Variants in LRRIQ1 observed in about 807,000 individuals in gnomAD.
The protein encoded by LRRIQ1 is leucine-rich repeat- and IQ domain-containing protein 1.
A neutral mutation model predicts 211.9 loss-of-function variants in LRRIQ1; 210 were observed. The observed-to-expected ratio is 0.99, with a 90% CI of 0.89 to 1.11. The LOEUF (loss-of-function observed/expected upper bound fraction) is 1.11. Ranked by LOEUF, LRRIQ1 falls within the 50% of genes most tolerant of loss-of-function variation. The pLI is 0.00. For missense variants in LRRIQ1, 2,136 were observed against 1,939.5 expected, an observed-to-expected ratio of 1.10 and a Z score of -1.90; for synonymous variants, 699 against 650.1, an observed-to-expected ratio of 1.08 and a Z score of -1.14.
At chr12:85,167,831 C>T (rs560764890) in intron 24 of LRRIQ1, among the ~76,000 whole-genome samples, 1 of 152,274 alleles carries the variant, frequency 6.6e-6, no homozygotes, top group Non-Finnish European at 1.5e-5. Context: ...GTCCTGACAT[C>T]ACACATAATC....
Position 85,093,052 on chromosome 12 carries a change from G to C in LRRIQ1, c.2888-5303G>C, listed in dbSNP as rs185124687. Among the ~76,000 whole-genome samples the C allele has an allele frequency of 5.3e-5, 8 of 152,304 alleles. No homozygotes were observed. In the East Asian group the frequency reaches 1.5e-3, roughly 29 times the overall value. On this transcript the variant is annotated intron_variant, in intron 11 of 26. Coordinates refer to ENST00000393217, the MANE Select transcript of LRRIQ1 (RefSeq NM_001079910.2). Reference sequence around the variant, plus strand: ...GTCACCATGGTACACAATCCAGGTTGATGAGTCTACTAATGTTGACAACAA... The same window carrying C: ...GTCACCATGGTACACAATCCAGGTTCATGAGTCTACTAATGTTGACAACAA...
intron 16 of LRRIQ1, 89 bp downstream of exon 16, chr12:85,121,965 T>C (rs948582445): frequency 2.6e-6 from 3 of 1,153,242 alleles, no homozygotes; most frequent in African/African-American, 1.6e-5. Flanking sequence ...AACACAATTA[T>C]ACTTTTTTGG....
Position 85,057,132 on chromosome 12 carries a change from C to A in LRRIQ1, c.2339C>A (p.Ala780Asp). 1 of 1,580,422 alleles carries A rather than the reference C, an allele frequency of 6.3e-7. No homozygotes were observed. The highest frequency in any genetic ancestry group is 8.6e-7 in the Non-Finnish European group (1 of 1,168,860). The change falls in exon 8 of 27, where the codon GCT (alanine) becomes GAT (aspartate). Residue 780 changes from alanine to aspartate, a missense_variant. Ala to Asp is a moderately radical substitution (Grantham distance 126, BLOSUM62 -2). Transcript: ENST00000393217. ...AAATGCCCAGCCAACATGACACCCG[C>A]TTTGGATAAACTGGAAATTCTTCGA... The part of the protein sequence containing the change: ...PVKCPANMTP[A>D]LDKLEILRCG...
Position 85,056,504 on chromosome 12 carries a change from G to C in LRRIQ1, c.1711G>C (p.Glu571Gln). Residue 571 changes from glutamate (E) to glutamine (Q), a missense_variant, in exon 8 of 27, where the codon GAG (glutamate) becomes CAG (glutamine). Transcript: ENST00000393217. ...QEISEVKTNE[E>Q]QKIIKDNQQK... ...AATCAGTGAGGTGAAAACCAATGAA[G>C]AGCAGAAAATAATCAAAGATAATCA... 1 of 1,611,938 alleles carries C rather than the reference G, an allele frequency of 6.2e-7. No individual in the cohort carries two copies. Among genetic ancestry groups the C allele is most frequent in the Non-Finnish European group, 8.5e-7 (1 of 1,179,164 alleles).
At chr12:85,067,929 G>T (rs923260833) in intron 10 of LRRIQ1, among the ~76,000 whole-genome samples, 1 of 151,780 alleles carries the variant, frequency 6.6e-6, no homozygotes, top group African/African-American at 2.4e-5. Context: ...TTTTGTGTTT[G>T]CTTTTACCTC....
At chr12:85,241,888 A>T (rs1263716335) in intron 26 of LRRIQ1, among the ~76,000 whole-genome samples, 1 of 152,020 alleles carries the variant, frequency 6.6e-6, no homozygotes, top group African/African-American at 2.4e-5. Flanking sequence ...TTAATATATG[A>T]GAGAGAATCT....
chr12:85,168,419 G>A (rs1171746664), intron 24 of LRRIQ1, among the ~76,000 whole-genome samples: 1 of 152,144 alleles, frequency 6.6e-6, no homozygotes, highest in Non-Finnish European at 1.5e-5. Context: ...TTAGCCTATT[G>A]ACTTAGAGGT....
At chr12:85,153,260 A>C (rs1027158822) in intron 21 of LRRIQ1, 115 bp downstream of exon 21, 1 of 1,056,474 alleles carries the variant, frequency 9.5e-7, no homozygotes, top group Non-Finnish European at 1.4e-6. Context: ...TAGGAAACAG[A>C]ATATTTAGTG....
At chr12:85,058,773 T>A (rs1029092643) in intron 8 of LRRIQ1, among the ~76,000 whole-genome samples, 5 of 152,038 alleles carry the variant, frequency 3.3e-5, no homozygotes, top group African/African-American at 9.7e-5. Context: ...TGGATTCTGA[T>A]TCAATAGGTC....
At chr12:85,250,933 TATATATA>T (rs1254098683) in intron 1 of LRRIQ1, among the ~76,000 whole-genome samples, 2 of 69,520 alleles carry the variant, frequency 2.9e-5, no homozygotes, top group Non-Finnish European at 5.4e-5. Context: ...TATTATATAT[TATATATA>T]ATATATTTTA....
chr12:85,097,221 C>T (rs1885955250), intron 11 of LRRIQ1, among the ~76,000 whole-genome samples: 1 of 152,138 alleles, frequency 6.6e-6, no homozygotes, highest in Non-Finnish European at 1.5e-5. Context: ...AATTGACTCA[C>T]CTTTCTGCAT....
chr12:85,113,509 G>A (rs1238374933), intron 15 of LRRIQ1, among the ~76,000 whole-genome samples: 1 of 152,012 alleles, frequency 6.6e-6, no homozygotes, highest in African/African-American at 2.4e-5. Flanking sequence ...CGGTTACATA[G>A]TACCAGCACA....
chr12:85,082,635 A>G (rs777527304), intron 11 of LRRIQ1, among the ~76,000 whole-genome samples: 1 of 152,154 alleles, frequency 6.6e-6, no homozygotes, highest in Non-Finnish European at 1.5e-5. Flanking sequence ...TCTATGTCCC[A>G]GTTGACAAAC....
intron 11 of LRRIQ1, among the ~76,000 whole-genome samples, chr12:85,081,074 G>C (rs535380929): frequency 6.6e-6 from 1 of 152,144 alleles, no homozygotes; most frequent in African/African-American, 2.4e-5. Context: ...GTATTTGAAT[G>C]ATTCTTACTC....
At chr12:85,111,539 G>A (rs749954334) in intron 15 of LRRIQ1, among the ~76,000 whole-genome samples, 1 of 152,074 alleles carries the variant, frequency 6.6e-6, no homozygotes, top group Non-Finnish European at 1.5e-5. Flanking sequence ...TCTGTGTGAA[G>A]GCTAAATATG....
In LRRIQ1 at chr12:85,055,689, C is replaced by T; in HGVS notation, c.896C>T (p.Ala299Val). The change falls in exon 8 of 27, where the codon GCC becomes GTC. Residue 299 changes from alanine (A) to valine (V), a missense_variant. Ala to Val is a moderately conservative substitution (Grantham distance 64). Transcript: ENST00000393217. ...KIQAKYKAFVAYQKYGPIIKE... is the reference protein window; with the variant it reads ...KIQAKYKAFVVYQKYGPIIKE... ...CAAGCTAAATATAAAGCATTTGTTG[C>T]CTATCAAAAATATGGCCCAATTATT... 6.2e-7 allele frequency: 1 copy of T among 1,607,582 alleles called. No homozygotes were observed.
intron 24 of LRRIQ1, among the ~76,000 whole-genome samples, chr12:85,164,182 C>T (rs1415409708): frequency 6.6e-6 from 1 of 152,146 alleles, no homozygotes; most frequent in East Asian, 1.9e-4. Context: ...TAAAGATCTG[C>T]AGCCAAGTTT....
intron 24 of LRRIQ1, among the ~76,000 whole-genome samples, chr12:85,188,234 G>C (rs537960982): frequency 2.6e-5 from 4 of 151,834 alleles, no homozygotes; most frequent in Non-Finnish European, 5.9e-5. Flanking sequence ...TCTTGTTCTG[G>C]TTAGGCTAAT....
chr12:85,158,752 C>T lies in LRRIQ1; in HGVS notation c.4721-1861C>T, dbSNP rs1483670817. 2.0e-5 allele frequency among the ~76,000 whole-genome samples: 3 copies of T among 151,890 alleles called. No individual in the cohort carries two copies. The East Asian group carries it at 5.8e-4, about 29-fold the overall frequency. On this transcript the variant is annotated intron_variant, in intron 23 of 26. Coordinates refer to ENST00000393217, the MANE Select transcript of LRRIQ1 (RefSeq NM_001079910.2). ...AGATTTATGTTTATAAGGCAACTTA[C>T]ACCTGCTGTTGATTACCACAGAGGA...
Sources: gnomAD v4.1 joint callset for allele counts (sites outside exome capture counted in the v4.1 genomes callset) on GRCh38, gnomAD v4.1.1 for gene constraint, MANE v1.5 for transcripts, NCBI Gene and HGNC (gene_info 2026-07-23, HGNC 2026-07-21) for gene names.